ROBO1: variants seen among roughly 807,000 people sequenced by gnomAD.
The protein encoded by ROBO1 is roundabout homolog 1.
Under a neutral mutation model 195.9 loss-of-function variants are expected in ROBO1, and 149 were observed. That is an observed-to-expected ratio of 0.76 (90% CI 0.67 to 0.87). The LOEUF is 0.87. Ranked by LOEUF, ROBO1 falls within the 40% of genes least tolerant of loss-of-function variation. The pLI is 0.00. For synonymous variants in ROBO1, 816 were observed against 733.2 expected (o/e 1.11, Z -1.82); for missense variants, 1,933 against 2,068.3 (o/e 0.93, Z 1.27).
chr3:78,729,246 T>C (rs189226438), intron 5 of ROBO1, among the ~76,000 whole-genome samples: 15 of 152,226 alleles, frequency 9.9e-5, no homozygotes, highest in African/African-American at 2.9e-4. Context: ...AAGAGCTGTG[T>C]TGCTAATTGC....
intron 2 of ROBO1, among the ~76,000 whole-genome samples, chr3:79,294,839 A>G (rs1051261303): frequency 2.6e-5 from 4 of 152,182 alleles, no homozygotes; most frequent in African/African-American, 4.8e-5. Flanking sequence ...GCCAACTAAC[A>G]TGAAAAAAAG....
At chr3:79,115,006 G>A (rs1451290226) in intron 3 of ROBO1, among the ~76,000 whole-genome samples, 1 of 152,112 alleles carries the variant, frequency 6.6e-6, no homozygotes. Context: ...AAAAAGCAGT[G>A]ACCTCTTTGG....
chr3:78,835,955 C>G (rs1357822970), intron 4 of ROBO1, among the ~76,000 whole-genome samples: 1 of 152,100 alleles, frequency 6.6e-6, no homozygotes, highest in African/African-American at 2.4e-5. Flanking sequence ...TTGAATTATT[C>G]CAACTGGGTT....
intron 5 of ROBO1, among the ~76,000 whole-genome samples, chr3:78,736,877 T>C (rs529025780): frequency 4.6e-5 from 7 of 152,126 alleles, no homozygotes; most frequent in Non-Finnish European, 1.0e-4. Context: ...GTGTGGAAAG[T>C]TTCAGGATGT....
intron 3 of ROBO1, among the ~76,000 whole-genome samples, chr3:79,107,395 A>T (rs554304023): frequency 6.6e-6 from 1 of 151,908 alleles, no homozygotes; most frequent in Admixed American, 6.6e-5. Context: ...TTGTTTCATT[A>T]TAAGAGTTAT....
intron 2 of ROBO1, among the ~76,000 whole-genome samples, chr3:79,389,387 T>A (rs962448249): frequency 2.6e-5 from 4 of 152,174 alleles, no homozygotes; most frequent in African/African-American, 9.7e-5. Context: ...AGTGATTCTT[T>A]GTGTGCGTTG....
chr3:79,705,877 T>A (rs1008857869), intron 1 of ROBO1, among the ~76,000 whole-genome samples: 4 of 152,128 alleles, frequency 2.6e-5, no homozygotes, highest in Admixed American at 2.6e-4. Context: ...ATCATACAGA[T>A]CTTGTACATA....
chr3:79,186,275 G>T (rs1323978432), intron 2 of ROBO1, among the ~76,000 whole-genome samples: 1 of 142,932 alleles, frequency 7.0e-6, no homozygotes, highest in East Asian at 1.9e-4. Context: ...AATGAATCCG[G>T]TTCTTCCTGA....
chr3:78,695,586 C>A (rs2081269395), intron 8 of ROBO1, among the ~76,000 whole-genome samples: 1 of 145,450 alleles, frequency 6.9e-6, no homozygotes, highest in Non-Finnish European at 1.5e-5. Flanking sequence ...AATTGCACCA[C>A]TGCACTCCAG....
At chr3:79,619,159 G>C (rs149379456) in intron 1 of ROBO1, among the ~76,000 whole-genome samples, 1 of 58,852 alleles carries the variant, frequency 1.7e-5, no homozygotes, top group African/African-American at 6.2e-5. Flanking sequence ...GTCACCGCAG[G>C]GATGCCTGCC....
chr3:79,501,425 A>G (rs1425216671), intron 2 of ROBO1, among the ~76,000 whole-genome samples: 2 of 152,216 alleles, frequency 1.3e-5, no homozygotes, highest in African/African-American at 4.8e-5. Flanking sequence ...CTTCTGAGGG[A>G]ATAAAATATT....
At chr3:79,621,459 G>A (rs1334590283) in intron 1 of ROBO1, among the ~76,000 whole-genome samples, 4 of 152,150 alleles carry the variant, frequency 2.6e-5, no homozygotes, top group Admixed American at 2.6e-4. Flanking sequence ...AAGGCTCATA[G>A]CCATCAGACT....
chr3:79,548,244 T>A (rs1194178688), intron 2 of ROBO1, among the ~76,000 whole-genome samples: 3 of 152,162 alleles, frequency 2.0e-5, no homozygotes, highest in Non-Finnish European at 4.4e-5. Flanking sequence ...TGATGCTGAG[T>A]GAAAGTCAAT....
At chr3:79,065,479 T>A (rs1330830538) in intron 3 of ROBO1, among the ~76,000 whole-genome samples, 1 of 151,920 alleles carries the variant, frequency 6.6e-6, no homozygotes, top group African/African-American at 2.4e-5. Context: ...GAGGACTTCT[T>A]GGAAAAGCGG....
chr3:79,625,489 A>C (rs532463185), intron 1 of ROBO1, among the ~76,000 whole-genome samples: 3 of 149,726 alleles, frequency 2.0e-5, no homozygotes, highest in Non-Finnish European at 4.5e-5. Flanking sequence ...AAAAGAGAGA[A>C]GAATCAAATG....
At chr3:78,928,947 C>T (rs1031408735) in intron 4 of ROBO1, among the ~76,000 whole-genome samples, 2 of 151,926 alleles carry the variant, frequency 1.3e-5, no homozygotes, top group Non-Finnish European at 2.9e-5. Flanking sequence ...TGTACAGAGT[C>T]GGGGAGGGGG....
intron 3 of ROBO1, among the ~76,000 whole-genome samples, chr3:79,053,968 C>T (rs768661217): frequency 2.6e-5 from 4 of 152,088 alleles, no homozygotes; most frequent in South Asian, 4.1e-4. Flanking sequence ...GGTCTTACTT[C>T]TCTTTATGTT....
At chr3:79,505,580 G>C (rs1284273585) in intron 2 of ROBO1, among the ~76,000 whole-genome samples, 3 of 152,186 alleles carry the variant, frequency 2.0e-5, no homozygotes, top group African/African-American at 7.2e-5. Flanking sequence ...GATTTGGAGA[G>C]AAAGAGGACA....
At chr3:79,498,124 AAAT>A (rs1344614579) in intron 2 of ROBO1, among the ~76,000 whole-genome samples, 1 of 152,242 alleles carries the variant, frequency 6.6e-6, no homozygotes, top group Non-Finnish European at 1.5e-5. Context: ...TACTATCAAC[AAAT>A]AAGAACCAGT....
Sources: allele counts gnomAD v4.1 joint callset (sites outside exome capture counted in the v4.1 genomes callset), GRCh38; gene constraint gnomAD v4.1.1; transcripts MANE v1.5; gene names NCBI Gene and HGNC (gene_info 2026-07-23, HGNC 2026-07-21).